The following TET2 variants were observed in gnomAD, a reference collection of about 807,000 sequenced individuals.
The protein encoded by TET2 is methylcytosine dioxygenase TET2.
In TET2, 299 loss-of-function variants were observed where a neutral mutation model predicts 142.9. That is an observed-to-expected ratio of 2.09 (90% CI 1.90 to 2.30). TET2 has a LOEUF of 2.30. Among genes scored for constraint, TET2 ranks in the 30% most tolerant of loss-of-function variants. TET2 has a pLI of 0.00. For missense variants in TET2, 2,418 were observed against 2,378.0 expected (o/e 1.02, Z -0.35); for synonymous variants, 819 against 849.0 (o/e 0.96, Z 0.61).
intron 1 of TET2, among the ~76,000 whole-genome samples, chr4:105,160,521 C>G (rs1431654877): frequency 6.6e-6 from 1 of 152,090 alleles, no homozygotes; most frequent in East Asian, 1.9e-4. Context: ...AAAATAGAAG[C>G]CTTCTTGCCT....
At chr4:105,269,015 C>G (rs1396258237) in intron 8 of TET2, among the ~76,000 whole-genome samples, 1 of 151,948 alleles carries the variant, frequency 6.6e-6, no homozygotes, top group Non-Finnish European at 1.5e-5. Context: ...ATTGACATAC[C>G]TACATACACA....
chr4:105,163,806 CGAGAGAGA>C (rs59658275), intron 1 of TET2, among the ~76,000 whole-genome samples: 6,283 of 79,584 alleles, frequency 0.079, 214 homozygotes, highest in East Asian at 0.11. Context: ...TCGAAAGTTT[CGAGAGAGA>C]GAGAGAGAGA....
rs536445109 is a variant in TET2 at position 105,257,471 on chromosome 4, T to C, written c.3804-2148T>C. Among the ~76,000 whole-genome samples, 93 of 152,276 alleles carry C rather than the reference T, an allele frequency of 6.1e-4. 1 individual carries two copies. The South Asian group carries it at 0.018, about 30-fold the overall frequency. On this transcript the variant is annotated intron_variant, in intron 6 of 10. Transcript: ENST00000380013. ...GAGGTCAGCTAAGGATTAGACAGAA[T>C]TCCTTAGGTGCCTGAGATCAATAAG...
Position 105,242,913 on chromosome 4 carries a change from CCTATTG to C in TET2, c.3584_3589del (p.Ile1195_Ala1196del). The C allele has an allele frequency of 6.4e-7, 1 of 1,551,156 alleles. No individual in the cohort carries two copies. Among genetic ancestry groups the C allele is most frequent in the Non-Finnish European group, 8.7e-7 (1 of 1,146,694 alleles). ...AGAAGGCAAAAGTTCTCAGGGATGT[CCTATTG>C]CTAAGTGGGTAAGTGTGACTTGATA... On this transcript the variant is annotated inframe_deletion, in exon 5 of 11. Transcript: ENST00000380013.
intron 1 of TET2, among the ~76,000 whole-genome samples, chr4:105,168,824 G>C (rs1724300090): frequency 6.6e-6 from 1 of 152,148 alleles, no homozygotes; most frequent in African/African-American, 2.4e-5. Context: ...ACTTATGAGT[G>C]AGAACATATG....
chr4:105,207,671 G>A (rs953271236), intron 2 of TET2, among the ~76,000 whole-genome samples: 9 of 152,122 alleles, frequency 5.9e-5, no homozygotes, highest in African/African-American at 1.7e-4. Flanking sequence ...ATACTGCTGT[G>A]GAAGTCATTC....
At chr4:105,200,225 A>T (rs1578606503) in intron 2 of TET2, among the ~76,000 whole-genome samples, 1 of 152,096 alleles carries the variant, frequency 6.6e-6, no homozygotes, top group Non-Finnish European at 1.5e-5. Context: ...CTTTTTAATA[A>T]TAGCCGTCCT....
At chr4:105,217,114 AT>A (rs1283089025) in intron 2 of TET2, among the ~76,000 whole-genome samples, 1 of 152,056 alleles carries the variant, frequency 6.6e-6, no homozygotes, top group Non-Finnish European at 1.5e-5. Context: ...CAACACTAAA[AT>A]AACAATCAAC....
chr4:105,155,626 C>T (rs1192583757), intron 1 of TET2, among the ~76,000 whole-genome samples: 1 of 152,132 alleles, frequency 6.6e-6, no homozygotes, highest in East Asian at 1.9e-4. Context: ...TGCTTCTCTC[C>T]CTTTTTATTC....
At chr4:105,177,592 C>T (rs1724875967) in intron 1 of TET2, 1 of 152,166 alleles carries the variant, frequency 6.6e-6, no homozygotes, top group South Asian at 2.1e-4. Flanking sequence ...CGCTACATAC[C>T]TGTTAGAATG....
intron 1 of TET2, among the ~76,000 whole-genome samples, chr4:105,185,196 C>A (rs10010325): frequency 0.49 from 74,033 of 151,020 alleles, 18,172 homozygotes; most frequent in East Asian, 0.55. Flanking sequence ...CATTTTTGAA[C>A]GAAAACTTGT....
At chr4:105,256,115 A>G (rs750195916) in intron 6 of TET2, among the ~76,000 whole-genome samples, 2 of 152,126 alleles carry the variant, frequency 1.3e-5, no homozygotes, top group Non-Finnish European at 2.9e-5. Flanking sequence ...TTTAAATCAG[A>G]TTGATATTGT....
chr4:105,237,042 C>T lies in TET2; in HGVS notation c.3100C>T (p.Gln1034Ter), dbSNP rs1405763806. The T allele has an allele frequency of 1.2e-6, 2 of 1,614,150 alleles. No individual in the cohort carries two copies. The highest frequency in any genetic ancestry group is 8.5e-7 in the Non-Finnish European group (1 of 1,180,020). ...IIETMEQHLKQFHAKSLFDHK... is the reference protein window; with the variant it reads ...IIETMEQHLK ...TGAGACCATGGAGCAGCATCTGAAG[C>T]AGTTTCACGCCAAGTCGTTATTTGA... Residue 1034 changes from glutamine to a stop codon, truncating the protein, a stop_gained, in exon 3 of 11, where the codon CAG becomes TAG. Transcript: ENST00000380013. LOFTEE classifies it high-confidence loss of function.
At chr4:105,261,490 C>G (rs1050833841) in intron 7 of TET2, among the ~76,000 whole-genome samples, 1 of 152,078 alleles carries the variant, frequency 6.6e-6, no homozygotes, top group Non-Finnish European at 1.5e-5. Context: ...CCTAACCCTA[C>G]TCCTGGCACA....
At chr4:105,226,672 A>G (rs921625136) in intron 2 of TET2, among the ~76,000 whole-genome samples, 3 of 137,346 alleles carry the variant, frequency 2.2e-5, no homozygotes, top group African/African-American at 8.3e-5. Context: ...TTTTTCTCCC[A>G]CTCCAGCCAT....
chr4:105,248,063 A>G (rs1578699253), intron 6 of TET2, among the ~76,000 whole-genome samples: 2 of 152,190 alleles, frequency 1.3e-5, no homozygotes, highest in African/African-American at 2.4e-5. Context: ...TATAGTATAC[A>G]TTGGCAAAAA....
intron 1 of TET2, among the ~76,000 whole-genome samples, chr4:105,161,676 G>A (rs1391870950): frequency 6.6e-6 from 1 of 152,152 alleles, no homozygotes; most frequent in Non-Finnish European, 1.5e-5. Context: ...AAGGCTATAA[G>A]TTAATTTCTA....
intron 4 of TET2, chr4:105,241,941 T>C (rs1729325893): frequency 1.0e-6 from 1 of 971,732 alleles, no homozygotes; most frequent in South Asian, 5.8e-5. Context: ...CAGCTGCCTT[T>C]TTTTTTTTTT....
rs1341165696 is a variant in TET2 at position 105,278,192 on chromosome 4, A to G, written c.*1673A>G. 1.9e-5 allele frequency: 3 copies of G among 157,568 alleles called. No homozygotes were observed. The highest frequency in any genetic ancestry group is 4.0e-5 in the Non-Finnish European group (3 of 74,496). The allele number at this position is 157,568 out of a possible 1,614,324, so 9.8% of individuals were successfully genotyped here. On this transcript the variant is annotated 3_prime_UTR_variant, in exon 11 of 11. Transcript: ENST00000380013. ...TATACATATATATATATATATATAT[A>G]TATATATATATGAGTTTGAAGCAGA... is the stretch of plus-strand genomic sequence containing the variant.
Sources: allele counts gnomAD v4.1 joint callset (sites outside exome capture counted in the v4.1 genomes callset), GRCh38; gene constraint gnomAD v4.1.1; transcripts MANE v1.5; gene names NCBI Gene and HGNC (gene_info 2026-07-23, HGNC 2026-07-21).